Variants in MXI1 observed in about 807,000 individuals in gnomAD.
MXI1 encodes the protein max-interacting protein 1.
MXI1 carries 18 observed loss-of-function variants against 36.9 expected under a neutral mutation model. The ratio of observed to expected loss-of-function variants is 0.49; its 90% CI spans 0.34 to 0.72. The LOEUF (loss-of-function observed/expected upper bound fraction) is 0.72, where lower values mean the gene tolerates loss of function less well. Among genes scored for constraint, MXI1 ranks in the 30% least tolerant of loss-of-function variants. The pLI, the probability that MXI1 is intolerant of heterozygous loss-of-function variation, is 0.01. For missense variants in MXI1, 304 were observed against 379.1 expected (o/e 0.80, Z 1.64); for synonymous variants, 160 against 146.7 (o/e 1.09, Z -0.65).
At chr10:110,273,599 G>A (rs1053395131) in intron 3 of MXI1, among the ~76,000 whole-genome samples, 4 of 152,176 alleles carry the variant, frequency 2.6e-5, no homozygotes, top group African/African-American at 7.2e-5. Flanking sequence ...GTAGCTAGCT[G>A]CTGTCACGTG....
At chr10:110,277,455 T>C (rs1034995224) in intron 3 of MXI1, among the ~76,000 whole-genome samples, 1 of 152,142 alleles carries the variant, frequency 6.6e-6, no homozygotes, top group Admixed American at 6.5e-5. Context: ...GTTTGTTTGC[T>C]TTTTTTGGTC....
chr10:110,240,617 C>G (rs377229343), intron 2 of MXI1, among the ~76,000 whole-genome samples: 5 of 151,860 alleles, frequency 3.3e-5, no homozygotes, highest in African/African-American at 1.2e-4. Context: ...TCCACTAATC[C>G]CAGTATATTT....
At chr10:110,218,756 ACACCCT>A (rs1854721232) in intron 1 of MXI1, among the ~76,000 whole-genome samples, 1 of 152,142 alleles carries the variant, frequency 6.6e-6, no homozygotes, top group Non-Finnish European at 1.5e-5. Flanking sequence ...GTGTGAATCC[ACACCCT>A]GTCAGGCTTA....
intron 3 of MXI1, among the ~76,000 whole-genome samples, chr10:110,278,799 T>C (rs1857134815): frequency 6.6e-6 from 1 of 152,050 alleles, no homozygotes; most frequent in Admixed American, 6.5e-5. Context: ...TATATTCCCT[T>C]GGGGTACCAT....
intron 3 of MXI1, among the ~76,000 whole-genome samples, chr10:110,250,442 C>T (rs1564716654): frequency 6.6e-6 from 1 of 152,116 alleles, no homozygotes. Context: ...GGTCCTTTGC[C>T]AGATAAGACA....
At chr10:110,236,124 CTTTTTTTTTTTTTTTTTTTTTTTTTTTTT>C (rs60576710) in intron 2 of MXI1, among the ~76,000 whole-genome samples, 3 of 33,540 alleles carry the variant, frequency 8.9e-5, no homozygotes, top group African/African-American at 1.2e-4. Flanking sequence ...GGTTGAAGTT[CTTTTTTTTTTTTTTTTTTTTTTTTTTTTT>C]TTTTTTTTTT....
At chr10:110,255,013 G>A (rs994275149) in intron 3 of MXI1, among the ~76,000 whole-genome samples, 1 of 152,116 alleles carries the variant, frequency 6.6e-6, no homozygotes, top group East Asian at 1.9e-4. Flanking sequence ...GGAAGAAGAT[G>A]CCATCCAGGA....
At chr10:110,230,286 C>G (rs745748962) in intron 2 of MXI1, among the ~76,000 whole-genome samples, 9 of 152,204 alleles carry the variant, frequency 5.9e-5, no homozygotes, top group African/African-American at 1.4e-4. Flanking sequence ...AGTGATGTTT[C>G]TCTTTCATGC....
intron 1 of MXI1, chr10:110,226,051 G>A (rs939033237): frequency 1.0e-6 from 1 of 988,506 alleles, no homozygotes. Context: ...GCGCGGCTGG[G>A]GCGGCAGGGG....
At position 110,228,295 on chromosome 10, in the gene MXI1, G is replaced by C. The variant is rs369401463; in HGVS notation, c.381G>C (p.Gly127=). The C allele has an allele frequency of 6.3e-5, 101 of 1,614,034 alleles. No homozygotes were observed. Among genetic ancestry groups the C allele is most frequent in the Non-Finnish European group, 8.4e-5 (99 of 1,180,030 alleles). ...RLSRAQKHSS[G]SSNTSTANRS... The stretch of plus-strand genomic sequence containing the variant: ...GCCGGGCACAGAAACACAGCAGCGG[G>C]AGCAGCAACACCAGCACTGCCAACA... Residue 127 remains glycine, a synonymous_variant, in exon 2 of 6, where the codon GGG becomes GGC. Transcript: ENST00000332674.
intron 1 of MXI1, among the ~76,000 whole-genome samples, chr10:110,215,043 G>T (rs5013660): frequency 0.22 from 17,259 of 77,770 alleles, 1,823 homozygotes; most frequent in African/African-American, 0.38. Context: ...TTTTTTTTTT[G>T]TTTTTTTTTT....
At chr10:110,225,942 G>C in intron 1 of MXI1, 1 of 895,454 alleles carries the variant, frequency 1.1e-6, no homozygotes, top group Non-Finnish European at 1.3e-6. Context: ...AGGGGCGGGA[G>C]GGGGCGGGCC....
chr10:110,212,633 C>G (rs2093282861), intron 1 of MXI1, among the ~76,000 whole-genome samples: 1 of 152,190 alleles, frequency 6.6e-6, no homozygotes, highest in African/African-American at 2.4e-5. Flanking sequence ...GCTTGCTACT[C>G]TACTGCTTAC....
chr10:110,240,903 G>A (rs1284562068), intron 2 of MXI1, among the ~76,000 whole-genome samples: 1 of 152,012 alleles, frequency 6.6e-6, no homozygotes, highest in East Asian at 1.9e-4. Context: ...TCTTTTGCTA[G>A]AAGAGAGTAT....
At chr10:110,226,346 G>A in intron 1 of MXI1, 2 of 1,423,078 alleles carry the variant, frequency 1.4e-6, no homozygotes, top group Non-Finnish European at 1.8e-6. Context: ...AGTGCGGTGC[G>A]GCCGGTAAGG....
chr10:110,248,980 A>C (rs1364905805), intron 3 of MXI1, among the ~76,000 whole-genome samples: 1 of 152,168 alleles, frequency 6.6e-6, no homozygotes, highest in Non-Finnish European at 1.5e-5. Flanking sequence ...GTTTAGCAAG[A>C]AGGTGGCACA....
At chr10:110,272,320 A>G (rs1370282832) in intron 3 of MXI1, among the ~76,000 whole-genome samples, 1 of 152,214 alleles carries the variant, frequency 6.6e-6, no homozygotes, top group Non-Finnish European at 1.5e-5. Context: ...TTCTGGTCCT[A>G]AGCATTTCAC....
chr10:110,221,057 T>C (rs1590331370), intron 1 of MXI1, among the ~76,000 whole-genome samples: 1 of 152,318 alleles, frequency 6.6e-6, no homozygotes, highest in East Asian at 1.9e-4. Flanking sequence ...AAGGGTGAGG[T>C]TGGGCCCAAG....
At chr10:110,246,495 G>C (rs1855868238) in intron 3 of MXI1, among the ~76,000 whole-genome samples, 1 of 152,208 alleles carries the variant, frequency 6.6e-6, no homozygotes, top group Middle Eastern at 3.4e-3. Flanking sequence ...AAATCCCCTT[G>C]AAAAGGCTTA....
Sources: allele counts gnomAD v4.1 joint callset (sites outside exome capture counted in the v4.1 genomes callset), GRCh38; gene constraint gnomAD v4.1.1; transcripts MANE v1.5; gene names NCBI Gene and HGNC (gene_info 2026-07-23, HGNC 2026-07-21).